The following PDS5A variants were observed in gnomAD, a reference collection of about 807,000 sequenced individuals.
PDS5A encodes the protein sister chromatid cohesion protein PDS5 homolog A.
In PDS5A, 42 loss-of-function variants were observed where a neutral mutation model predicts 167.1. The ratio of observed to expected loss-of-function variants is 0.25; its 90% CI spans 0.20 to 0.33. The LOEUF (loss-of-function observed/expected upper bound fraction) is 0.33, where lower values mean the gene tolerates loss of function less well. Ranked by LOEUF, PDS5A falls within the 10% of genes least tolerant of loss-of-function variation. The pLI, the probability that PDS5A is intolerant of heterozygous loss-of-function variation, is 1.00. For synonymous variants in PDS5A, 553 were observed against 554.6 expected (o/e 1.00, Z 0.04); for missense variants, 1,033 against 1,605.9 (o/e 0.64, Z 6.10).
intron 2 of PDS5A, among the ~76,000 whole-genome samples, chr4:39,945,073 T>C (rs547982424): frequency 6.6e-6 from 1 of 152,302 alleles, no homozygotes; most frequent in East Asian, 1.9e-4. Flanking sequence ...TTAACTTATG[T>C]AATACAATGA....
At chr4:39,859,038 C>T (rs903004472) in intron 26 of PDS5A, among the ~76,000 whole-genome samples, 5 of 152,024 alleles carry the variant, frequency 3.3e-5, no homozygotes, top group Non-Finnish European at 2.9e-5. Context: ...AAATCATATA[C>T]CTGATAAGAG....
intron 16 of PDS5A, among the ~76,000 whole-genome samples, chr4:39,896,931 T>C (rs537258952): frequency 1.3e-5 from 2 of 151,734 alleles, no homozygotes; most frequent in South Asian, 2.1e-4. Context: ...CTTTAAGTTA[T>C]GGGATACATG....
At chr4:39,859,475 C>A (rs1718807123) in intron 26 of PDS5A, among the ~76,000 whole-genome samples, 1 of 152,018 alleles carries the variant, frequency 6.6e-6, no homozygotes. Flanking sequence ...CTTCAAATTA[C>A]ATGGTAATTT....
At chr4:39,836,869 C>T (rs1460235290) in intron 32 of PDS5A, 13 of 147,856 alleles carry the variant, frequency 8.8e-5, no homozygotes, top group African/African-American at 2.2e-4. Flanking sequence ...AGTGCAGTGT[C>T]GCAATCTTGG....
intron 1 of PDS5A, among the ~76,000 whole-genome samples, chr4:39,976,985 G>A (rs1731169574): frequency 6.6e-6 from 1 of 152,106 alleles, no homozygotes; most frequent in Admixed American, 6.5e-5. Context: ...ACCCAGTCCC[G>A]CCCGGCCAGT....
chr4:39,844,380 CAGG>C (rs1468259927), intron 30 of PDS5A, among the ~76,000 whole-genome samples: 3 of 150,128 alleles, frequency 2.0e-5, no homozygotes, highest in Non-Finnish European at 3.0e-5. Context: ...GAGGCTGAGG[CAGG>C]AGAATTGCTT....
chr4:39,874,911 T>C (rs1436804430), intron 19 of PDS5A, among the ~76,000 whole-genome samples: 4 of 152,164 alleles, frequency 2.6e-5, no homozygotes, highest in African/African-American at 9.7e-5. Context: ...AATAAAAATA[T>C]CTAACTATTA....
intron 19 of PDS5A, among the ~76,000 whole-genome samples, chr4:39,876,602 C>T (rs1254646276): frequency 6.6e-6 from 1 of 152,064 alleles, no homozygotes; most frequent in Non-Finnish European, 1.5e-5. Context: ...GAACTATTTG[C>T]CCCATTTTTT....
intron 2 of PDS5A, among the ~76,000 whole-genome samples, chr4:39,934,871 CTCTTT>C (rs1163528028): frequency 3.9e-5 from 6 of 151,950 alleles, no homozygotes; most frequent in African/African-American, 1.5e-4. Context: ...CTCTCCAAAT[CTCTTT>C]TCTTTTTTCC....
chr4:39,914,162 GTTT>G (rs34732453), intron 8 of PDS5A, among the ~76,000 whole-genome samples: 1 of 64,108 alleles, frequency 1.6e-5, no homozygotes, highest in Admixed American at 1.6e-4. Context: ...ATACAAATTT[GTTT>G]TTTTTTTTTT....
At position 39,976,521 on chromosome 4, in the gene PDS5A, G is replaced by C. The variant is rs757992006; in HGVS notation, c.57C>G (p.Ala19=). The C allele has an allele frequency of 6.2e-7, 1 of 1,613,412 alleles. No homozygotes were observed. Among genetic ancestry groups the C allele is most frequent in the Non-Finnish European group, 8.5e-7 (1 of 1,179,440 alleles). The change falls in exon 2 of 33, where the codon GCC becomes GCG. Residue 19 remains alanine, a synonymous_variant. Coordinates refer to ENST00000303538, the MANE Select transcript of PDS5A (RefSeq NM_001100399.2). ...CCGGAGGGTAAGCGATCTTCCCGTC[G>C]GCACTCACGACGCCACAGAGGGCAG... ...PATALCGVVS[A]DGKIAYPPGV...
chr4:39,897,866 GAA>G (rs746347132), intron 16 of PDS5A: 321 of 151,332 alleles, frequency 2.1e-3, no homozygotes, highest in Middle Eastern at 6.8e-3. Context: ...ACTATCTCAG[GAA>G]AAAAAAAAAA....
intron 20 of PDS5A, 73 bp from the exon 21 acceptor site, chr4:39,873,217 T>C: frequency 1.3e-5 from 12 of 889,230 alleles, no homozygotes; most frequent in Non-Finnish European, 1.9e-5. Flanking sequence ...AACAGTACAT[T>C]TTCCTGAGTC....
chr4:39,966,216 T>C (rs917165538), intron 2 of PDS5A, among the ~76,000 whole-genome samples: 1 of 152,226 alleles, frequency 6.6e-6, no homozygotes, highest in Non-Finnish European at 1.5e-5. Flanking sequence ...AATTATATAC[T>C]TAATTACATG....
intron 16 of PDS5A, among the ~76,000 whole-genome samples, chr4:39,891,571 C>T (rs989385128): frequency 2.6e-5 from 4 of 151,894 alleles, no homozygotes; most frequent in African/African-American, 4.8e-5. Context: ...TTGCTTGAAC[C>T]TGGGAGGCGG....
chr4:39,874,968 A>C (rs1425578101), intron 19 of PDS5A, among the ~76,000 whole-genome samples: 1 of 152,202 alleles, frequency 6.6e-6, no homozygotes. Flanking sequence ...TAATTCAACT[A>C]ATGTTCACAT....
intron 2 of PDS5A, among the ~76,000 whole-genome samples, chr4:39,938,218 C>G (rs1415950995): frequency 2.6e-5 from 4 of 152,144 alleles, no homozygotes; most frequent in Non-Finnish European, 4.4e-5. Context: ...AGGGGGCTGC[C>G]CAGTTTGTGA....
chr4:39,958,506 C>T (rs76743674), intron 2 of PDS5A, among the ~76,000 whole-genome samples: 1 of 80,424 alleles, frequency 1.2e-5, no homozygotes, highest in African/African-American at 4.6e-5. Flanking sequence ...AACTGTGTCT[C>T]AAAAAAAAAA....
intron 11 of PDS5A, among the ~76,000 whole-genome samples, chr4:39,907,590 C>CT (rs71194936): frequency 0.24 from 33,788 of 141,562 alleles, 4,806 homozygotes; most frequent in Middle Eastern, 0.34. Context: ...CTTTTCTTTT[C>CT]TTTTTTTTTT....
Sources: allele counts gnomAD v4.1 joint callset (sites outside exome capture counted in the v4.1 genomes callset), GRCh38; gene constraint gnomAD v4.1.1; transcripts MANE v1.5; gene names NCBI Gene and HGNC (gene_info 2026-07-23, HGNC 2026-07-21).